The following ADAMTS16 variants were observed in gnomAD, a reference collection of about 807,000 sequenced individuals.
The protein encoded by ADAMTS16 is ADAM metallopeptidase with thrombospondin type 1 motif 16, also known as A disintegrin and metalloproteinase with thrombospondin motifs 16.
Under a neutral mutation model 145.8 loss-of-function variants are expected in ADAMTS16, and 94 were observed. That is an observed-to-expected ratio of 0.64 (90% CI 0.55 to 0.77). The LOEUF (loss-of-function observed/expected upper bound fraction) is 0.77. ADAMTS16 is among the 30% of genes least tolerant of loss of function. The pLI is 0.00. For synonymous variants in ADAMTS16, 659 were observed against 604.3 expected (o/e 1.09, Z -1.33); for missense variants, 1,585 against 1,591.5 (o/e 1.00, Z 0.07).
At chr5:5,163,931 A>C (rs1734800481) in intron 3 of ADAMTS16, among the ~76,000 whole-genome samples, 1 of 152,210 alleles carries the variant, frequency 6.6e-6, no homozygotes, top group African/African-American at 2.4e-5. Context: ...CACAGGGTGA[A>C]CAGGAACTAG....
In ADAMTS16 at chr5:5,310,031, G is replaced by A. The variant is rs1393498673; in HGVS notation, c.3411+3303G>A. ...ATTCCTGAGACTGACCTGCCAGTGG[G>A]GCAAAACCCACCATAGGCCACTCCG... On this transcript the variant is annotated intron_variant, in intron 21 of 22. Coordinates refer to ENST00000274181, the MANE Select transcript of ADAMTS16 (RefSeq NM_139056.4). The surrounding 1 kb of genome is among the most constrained non-coding windows in gnomAD (Gnocchi z 4.3). Among the ~76,000 whole-genome samples, 1 of 152,122 alleles carries A rather than the reference G, an allele frequency of 6.6e-6. No individual in the cohort carries two copies. The highest frequency in any genetic ancestry group is 1.9e-4 in the East Asian group (1 of 5,186).
intron 11 of ADAMTS16, 35 bp from the exon 12 acceptor site, chr5:5,232,333 G>A (rs974102083): frequency 3.1e-6 from 5 of 1,613,474 alleles, no homozygotes; most frequent in Admixed American, 1.7e-5. Context: ...CCATCTGTGT[G>A]AGTCAAGTCA....
chr5:5,286,166 C>G (rs562007682), intron 18 of ADAMTS16, among the ~76,000 whole-genome samples: 3 of 152,308 alleles, frequency 2.0e-5, no homozygotes, highest in East Asian at 3.9e-4. Flanking sequence ...CAGCCTTTCT[C>G]TACCCCCAAC....
intron 11 of ADAMTS16, 133 bp from the exon 12 acceptor site, chr5:5,232,235 T>C (rs1174458498): frequency 2.4e-5 from 21 of 883,214 alleles, no homozygotes; most frequent in Non-Finnish European, 3.1e-5. Context: ...TAGGTGCTGC[T>C]TGAGTGTAGG....
intron 21 of ADAMTS16, among the ~76,000 whole-genome samples, chr5:5,311,142 C>T (rs1007838504): frequency 2.6e-5 from 4 of 151,914 alleles, no homozygotes; most frequent in African/African-American, 7.3e-5. Context: ...TGTCCACTCT[C>T]GGCCTTCCTG....
intron 18 of ADAMTS16, among the ~76,000 whole-genome samples, chr5:5,301,199 C>T (rs1739753776): frequency 6.6e-6 from 1 of 152,104 alleles, no homozygotes; most frequent in Admixed American, 6.5e-5. Flanking sequence ...GCTGGGACTT[C>T]AGTTGTGTAT....
intron 18 of ADAMTS16, among the ~76,000 whole-genome samples, chr5:5,290,741 T>C (rs1001351931): frequency 2.0e-5 from 3 of 152,236 alleles, no homozygotes; most frequent in Non-Finnish European, 4.4e-5. Context: ...TGGGAGTTAA[T>C]CAAGTTTTTA....
In ADAMTS16 at chr5:5,182,182, C is replaced by T. The variant is rs200574267; in HGVS notation, c.640C>T (p.Pro214Ser). Residue 214 changes from proline to serine, a missense_variant, in exon 4 of 23, where the codon CCT becomes TCT. Coordinates refer to ENST00000274181, the MANE Select transcript of ADAMTS16 (RefSeq NM_139056.4). ...CAAGAGATCCACAGAGCCCCATGCT[C>T]CTGGGGCCAGTGAGGTCCTGGTGAC... ...LYKRSTEPHAPGASEVLVTSR... is the reference protein window; with the variant it reads ...LYKRSTEPHASGASEVLVTSR... 2.5e-6 allele frequency: 4 copies of T among 1,614,174 alleles called. No homozygotes were observed. Among genetic ancestry groups the T allele is most frequent in the East Asian group, 4.5e-5 (2 of 44,866 alleles).
chr5:5,189,586 C>A (rs767174127), intron 6 of ADAMTS16, among the ~76,000 whole-genome samples: 2 of 152,140 alleles, frequency 1.3e-5, no homozygotes, highest in Non-Finnish European at 2.9e-5. Context: ...ACCATCTAGA[C>A]GTGTTTTTGT....
chr5:5,277,241 C>T (rs926612182), intron 18 of ADAMTS16, among the ~76,000 whole-genome samples: 1 of 152,166 alleles, frequency 6.6e-6, no homozygotes, highest in Admixed American at 6.5e-5. Context: ...CAGAAGAAAA[C>T]CAGGCTTCCT....
intron 3 of ADAMTS16, among the ~76,000 whole-genome samples, chr5:5,147,782 C>G (rs1189565645): frequency 1.3e-5 from 2 of 152,166 alleles, no homozygotes; most frequent in Admixed American, 6.5e-5. Context: ...AGGGCTTAAG[C>G]CAGAAATGGA....
At chr5:5,217,858 C>T (rs930936391) in intron 10 of ADAMTS16, among the ~76,000 whole-genome samples, 3 of 152,226 alleles carry the variant, frequency 2.0e-5, no homozygotes, top group East Asian at 1.9e-4. Flanking sequence ...TTGTCTTCAT[C>T]GTGTACCTAT....
At chr5:5,217,850 G>T (rs2126336476) in intron 10 of ADAMTS16, among the ~76,000 whole-genome samples, 1 of 152,310 alleles carries the variant, frequency 6.6e-6, no homozygotes, top group East Asian at 1.9e-4. Context: ...AAAACATTTT[G>T]TCTTCATCGT....
At chr5:5,208,223 C>T (rs571506660) in intron 9 of ADAMTS16, among the ~76,000 whole-genome samples, 1 of 151,040 alleles carries the variant, frequency 6.6e-6, no homozygotes, top group East Asian at 1.9e-4. Context: ...TAGAAATGAG[C>T]CAGAAATCTT....
chr5:5,240,975 C>T (rs1737271265), intron 16 of ADAMTS16, among the ~76,000 whole-genome samples: 1 of 152,088 alleles, frequency 6.6e-6, no homozygotes, highest in Non-Finnish European at 1.5e-5. Context: ...TGTTAGGAAA[C>T]TGTTCTCCAC....
chr5:5,226,957 T>A (rs2964442), intron 11 of ADAMTS16, among the ~76,000 whole-genome samples: 85,722 of 152,082 alleles, frequency 0.56, 25,430 homozygotes, highest in African/African-American at 0.75. Flanking sequence ...TCTGATGGAT[T>A]CTAGCTCTTC....
intron 10 of ADAMTS16, 55 bp from the exon 11 acceptor site, chr5:5,222,734 T>C (rs978538353): frequency 2.1e-5 from 29 of 1,384,028 alleles, no homozygotes; most frequent in Non-Finnish European, 2.9e-5. Context: ...ATTTTTATTA[T>C]AGATGAATTG....
intron 18 of ADAMTS16, among the ~76,000 whole-genome samples, chr5:5,298,742 ATGC>A (rs1162077609): frequency 2.0e-5 from 3 of 152,266 alleles, no homozygotes; most frequent in Non-Finnish European, 4.4e-5. Flanking sequence ...ACATGTGAAG[ATGC>A]TGCTATTTTA....
intron 18 of ADAMTS16, among the ~76,000 whole-genome samples, chr5:5,278,904 T>TA (rs1438835835): frequency 2.7e-5 from 4 of 150,896 alleles, no homozygotes; most frequent in African/African-American, 9.8e-5. Context: ...AAAAAACCAA[T>TA]AAAAAACCAA....
Sources: gnomAD v4.1 joint callset for allele counts (sites outside exome capture counted in the v4.1 genomes callset) on GRCh38, gnomAD v4.1.1 for gene constraint, Gnocchi (gnomAD v3.1) non-coding constraint, MANE v1.5 for transcripts, NCBI Gene and HGNC (gene_info 2026-07-23, HGNC 2026-07-21) for gene names.